The following LRCH4 variants were observed in gnomAD, a reference collection of about 807,000 sequenced individuals.
LRCH4 encodes leucine-rich repeat and calponin homology domain-containing protein 4.
A neutral mutation model predicts 81.2 loss-of-function variants in LRCH4; 56 were observed. That is an observed-to-expected ratio of 0.69 (90% CI 0.56 to 0.86). The LOEUF is 0.86. LRCH4 is among the 40% of genes least tolerant of loss of function. LRCH4 has a pLI of 0.00. For missense variants in LRCH4, 895 were observed against 922.8 expected (o/e 0.97, Z 0.39); for synonymous variants, 442 against 409.7 (o/e 1.08, Z -0.95).
In LRCH4 at chr7:100,585,869, G is replaced by C. The variant is rs1313399471; in HGVS notation, c.220+12C>G. 6 of 1,585,602 alleles carry C rather than the reference G, an allele frequency of 3.8e-6. No individual in the cohort carries two copies. The highest frequency in any genetic ancestry group is 5.2e-6 in the Non-Finnish European group (6 of 1,162,872). On this transcript the variant is annotated intron_variant, in intron 1 of 17. Coordinates refer to ENST00000310300, the MANE Select transcript of LRCH4 (RefSeq NM_002319.5). Reference sequence around the variant, plus strand: ...AGGGACCCGGTTGGGCCCGGGGCCCGGCTGCACTCACCAGCCTGGGTGATG... The same window carrying C: ...AGGGACCCGGTTGGGCCCGGGGCCCCGCTGCACTCACCAGCCTGGGTGATG...
chr7:100,586,129 T>C lies in LRCH4; in HGVS notation c.-29A>G, dbSNP rs764879482. 1 of 1,494,472 alleles carries C rather than the reference T, an allele frequency of 6.7e-7. No individual in the cohort carries two copies. Among genetic ancestry groups the C allele is most frequent in the Admixed American group, 2.2e-5 (1 of 45,100 alleles). The allele number at this position is 1,494,472 out of a possible 1,614,324, so 92.6% of individuals were successfully genotyped here. A position where few individuals can be genotyped will look rare whatever the true frequency, so the allele number is the denominator to read the frequency against. On this transcript the variant is annotated 5_prime_UTR_variant, in exon 1 of 18. Transcript: ENST00000310300. ...CTCCCGGCGGCTCCCGCTGCCTGAC[T>C]GACGGGACCGGCCGTCCCTCCTTCC... is the stretch of plus-strand genomic sequence containing the variant.
rs773574050 is a variant in LRCH4 at position 100,578,790 on chromosome 7, G to C, written c.599-4C>G. On this transcript the variant is annotated splice_polypyrimidine_tract_variant and splice_region_variant and intron_variant, in intron 4 of 17. Transcript: ENST00000310300. The surrounding 1 kb of genome is among the most constrained non-coding windows in gnomAD (Gnocchi z 5.7). ...ACCAGAGGGAGGTCCCCCAGCTCTG[G>C]AACAGGTGGGCAAGGGAAAAGTCAG... The C allele has an allele frequency of 1.2e-6, 2 of 1,612,622 alleles. No homozygotes were observed. Among genetic ancestry groups the C allele is most frequent in the East Asian group, 2.2e-5 (1 of 44,878 alleles).
Position 100,575,727 on chromosome 7 carries a change from C to T in LRCH4, c.1832G>A (p.Cys611Tyr). The change falls in exon 17 of 18, where the codon TGT becomes TAT. Residue 611 changes from cysteine (C) to tyrosine (Y), a missense_variant. Transcript: ENST00000310300. The surrounding 1 kb of genome is among the most constrained non-coding windows in gnomAD (Gnocchi z 5.3). ...TACCTCAGGCACCCCCATTTTTCGA[C>T]AGGCTTCTAGAAAACTCTCCACATT... ...RKNVESFLEA[C>Y]RKMGVPEADL... The T allele has an allele frequency of 6.2e-7, 1 of 1,613,968 alleles. No homozygotes were observed. The highest frequency in any genetic ancestry group is 8.5e-7 in the Non-Finnish European group (1 of 1,179,912).
At chr7:100,576,875 A>G (rs374163617) in intron 13 of LRCH4, 27 bp downstream of exon 13, 138 of 1,541,870 alleles carry the variant, frequency 9.0e-5, no homozygotes, top group Non-Finnish European at 1.2e-4. Flanking sequence ...CACAGGCCCC[A>G]TCCTCCTCCC....
In LRCH4 at chr7:100,582,068, G is replaced by A. The variant is rs1423449811; in HGVS notation, c.465C>T (p.Ile155=). The change falls in exon 3 of 18, where the codon ATC becomes ATT. Residue 155 remains isoleucine (I), a synonymous_variant. Coordinates refer to ENST00000310300, the MANE Select transcript of LRCH4 (RefSeq NM_002319.5). This position sits in a 1 kb window ranked among gnomAD's most constrained non-coding sequence, Gnocchi z 5.0. ...GCTGTCGCAGGCTTCCCAGGGTGCC[G>A]ATGTCAGGGGGCAGGGCTCCCAGCT... ...NNKLGALPPD[I]GTLGSLRQLD... is the part of the protein sequence containing the mutation. 10 of 1,610,954 alleles carry A rather than the reference G, an allele frequency of 6.2e-6. No individual in the cohort carries two copies. The highest frequency in any genetic ancestry group is 1.3e-5 in the African/African-American group (1 of 74,796).
chr7:100,577,961 GC>G lies in LRCH4; in HGVS notation c.949-50del. ...GGAGATGGCCTCTCTGTACATGGGG[GC>G]TCAGGACCTGGGGGGTCCTGTGTGG... On this transcript the variant is annotated intron_variant, in intron 7 of 17. Coordinates refer to ENST00000310300, the MANE Select transcript of LRCH4 (RefSeq NM_002319.5). The surrounding 1 kb of genome is among the most constrained non-coding windows in gnomAD (Gnocchi z 6.7). 5 of 1,511,482 alleles carry G rather than the reference GC, an allele frequency of 3.3e-6. No individual in the cohort carries two copies. The highest frequency in any genetic ancestry group is 4.6e-6 in the Non-Finnish European group (5 of 1,090,850). 93.6% of individuals were successfully genotyped at this position (1,511,482 alleles called of 1,614,324 possible).
In LRCH4 at chr7:100,585,834, T is replaced by C. The variant is rs1488254006; in HGVS notation, c.220+47A>G. 20 of 1,500,114 alleles carry C rather than the reference T, an allele frequency of 1.3e-5. No homozygotes were observed. The East Asian group carries it at 4.8e-4, about 36-fold the overall frequency. 92.9% of individuals were successfully genotyped at this position (1,500,114 alleles called of 1,614,324 possible). A position where few individuals can be genotyped will look rare whatever the true frequency, so the allele number is the denominator to read the frequency against. On this transcript the variant is annotated intron_variant, in intron 1 of 17. Transcript: ENST00000310300. ...GGCCGGGCGGGGCCCGGGGTGGGGCTATGCAAATGAGGGACCCGGTTGGGC... is the reference window on the plus strand; with the variant it reads ...GGCCGGGCGGGGCCCGGGGTGGGGCCATGCAAATGAGGGACCCGGTTGGGC...
Position 100,578,637 on chromosome 7 carries a change from G to A in LRCH4, c.735+13C>T. ...CACCCCTGTCCTCGTGGCCCCCCAG[G>A]CACCCGCCTCACCTGGGCAGGTGGA... is the stretch of plus-strand genomic sequence containing the variant. On this transcript the variant is annotated intron_variant, in intron 5 of 17. Transcript: ENST00000310300. The surrounding 1 kb of genome is among the most constrained non-coding windows in gnomAD (Gnocchi z 5.7). 1.9e-6 allele frequency: 3 copies of A among 1,611,752 alleles called. No individual in the cohort carries two copies. Among genetic ancestry groups the A allele is most frequent in the Non-Finnish European group, 1.7e-6 (2 of 1,178,494 alleles).
intron 3 of LRCH4, 25 bp from the exon 4 acceptor site, chr7:100,581,907 G>A (rs1801571407): frequency 6.2e-7 from 1 of 1,612,756 alleles, no homozygotes; most frequent in Non-Finnish European, 8.5e-7. Context: ...GCAGTGGGAA[G>A]GGGCCATGAG....
chr7:100,581,671 C>T (rs760505380), intron 4 of LRCH4, 106 bp downstream of exon 4: 29 of 881,226 alleles, frequency 3.3e-5, no homozygotes, highest in Non-Finnish European at 4.4e-5. Context: ...AAAATGAATG[C>T]CTGCCATGTA....
Position 100,576,025 on chromosome 7 carries a change from C to T in LRCH4, c.1639-17G>A, listed in dbSNP as rs1294927577. On this transcript the variant is annotated splice_polypyrimidine_tract_variant and intron_variant, in intron 15 of 17. Coordinates refer to ENST00000310300, the MANE Select transcript of LRCH4 (RefSeq NM_002319.5). ...CTCAAGGACCTGGCAGTGTAGACCA[C>T]ATAGAGCAGGGGTCAGGGAAGGAGA... 1 of 1,596,330 alleles carries T rather than the reference C, an allele frequency of 6.3e-7. No homozygotes were observed.
Position 100,576,318 on chromosome 7 carries a change from A to G in LRCH4, c.1558T>C (p.Ser520Pro). 1.9e-6 allele frequency: 3 copies of G among 1,613,696 alleles called. No individual in the cohort carries two copies. Among genetic ancestry groups the G allele is most frequent in the Non-Finnish European group, 2.5e-6 (3 of 1,179,716 alleles). ...GGTCTCAGGACAGAGTCTGGTGAGG[A>G]AGGGCCTAGGAGAAAAAGGGGGGCA... ...RSSSQSGSGP[S>P]SPDSVLRPRR... is the part of the protein sequence containing the mutation. The change falls in exon 15 of 18, where the codon TCC becomes CCC. Residue 520 changes from serine to proline, a missense_variant. Physicochemically the swap from Ser to Pro is moderately conservative, Grantham distance 74 (BLOSUM62 -1). Around this residue, in one of 3 missense-constraint regions of LRCH4, gnomAD observed 529 missense variants for 504.9 expected, o/e 1.05. Coordinates refer to ENST00000310300, the MANE Select transcript of LRCH4 (RefSeq NM_002319.5).
rs936424178 is a variant in LRCH4 at position 100,577,150 on chromosome 7, A to G, written c.1300T>C (p.Leu434=). Residue 434 remains leucine (L), a synonymous_variant, in exon 12 of 18, where the codon TTG becomes CTG. Coordinates refer to ENST00000310300, the MANE Select transcript of LRCH4 (RefSeq NM_002319.5). This position sits in a 1 kb window ranked among gnomAD's most constrained non-coding sequence, Gnocchi z 6.7. Reference sequence around the variant, plus strand: ...ACAACAGCCCTGAGCCCTGGCTTCAAGAGGCTGGAACAAGGAGAGGTGGGG... The same window carrying G: ...ACAACAGCCCTGAGCCCTGGCTTCAGGAGGCTGGAACAAGGAGAGGTGGGG... ...AWGAPRKDSL[L]KPGLRAVVGG... is the part of the protein sequence containing the mutation. The G allele has an allele frequency of 6.2e-7, 1 of 1,614,044 alleles. No individual in the cohort carries two copies.
At position 100,582,049 on chromosome 7, in the gene LRCH4, G is replaced by A. The variant is rs760520509; in HGVS notation, c.484C>T (p.Arg162Ter). 10 of 1,609,290 alleles carry A rather than the reference G, an allele frequency of 6.2e-6. No homozygotes were observed. The highest frequency in any genetic ancestry group is 2.2e-5 in the South Asian group (2 of 90,938). ...CCCGTCCCCATCCTCACAAGCTGTC[G>A]CAGGCTTCCCAGGGTGCCGATGTCA... ...PPDIGTLGSLRQLDVSSNELQ... is the reference protein window; with the variant it reads ...PPDIGTLGSL Residue 162 changes from arginine (R) to a stop codon, truncating the protein, a stop_gained, in exon 3 of 18, where the codon CGA becomes TGA. Coordinates refer to ENST00000310300, the MANE Select transcript of LRCH4 (RefSeq NM_002319.5). LOFTEE classifies it high-confidence loss of function. This position sits in a 1 kb window ranked among gnomAD's most constrained non-coding sequence, Gnocchi z 5.0.
At chr7:100,585,030 T>C in intron 1 of LRCH4, 1 of 344,542 alleles carries the variant, frequency 2.9e-6, no homozygotes, top group Non-Finnish European at 5.8e-6. Flanking sequence ...GACACCAGGG[T>C]GGAGGGTGCA....
chr7:100,584,453 G>A (rs931210187), intron 1 of LRCH4, among the ~76,000 whole-genome samples: 3 of 151,996 alleles, frequency 2.0e-5, no homozygotes, highest in African/African-American at 4.8e-5. Flanking sequence ...GGGAGGGGCC[G>A]GGGAGCTCCG....
Position 100,582,119 on chromosome 7 carries a change from C to T in LRCH4, c.414G>A (p.Leu138=). ...TGTTGTTGCTGACGATGAGGACCCT[C>T]AGGGGCAGCTGGCAGATGTAGGGTG... ...LLPPYICQLP[L]RVLIVSNNKL... is the part of the protein sequence containing the mutation. Residue 138 remains leucine, a synonymous_variant, in exon 3 of 18, where the codon CTG becomes CTA. Coordinates refer to ENST00000310300, the MANE Select transcript of LRCH4 (RefSeq NM_002319.5). This position sits in a 1 kb window ranked among gnomAD's most constrained non-coding sequence, Gnocchi z 5.0. 1.2e-6 allele frequency: 2 copies of T among 1,612,904 alleles called. No individual in the cohort carries two copies. Among genetic ancestry groups the T allele is most frequent in the Non-Finnish European group, 1.7e-6 (2 of 1,179,904 alleles).
At chr7:100,576,644 GTTGGTGCTGGCAAGCA>G in intron 14 of LRCH4, 34 bp downstream of exon 14, 1 of 1,472,558 alleles carries the variant, frequency 6.8e-7, no homozygotes, top group South Asian at 1.2e-5. Context: ...TGATGTAGCC[GTTGGTGCTGGCAAGCA>G]CTGGGTCAGC....
At position 100,575,303 on chromosome 7, in the gene LRCH4, G is replaced by A; in HGVS notation, c.1856C>T (p.Ala619Val). Residue 619 changes from alanine (A) to valine (V), a missense_variant and splice_region_variant, in exon 18 of 18, where the codon GCT (alanine) becomes GTT (valine). By Grantham distance (64) the Ala-to-Val change is moderately conservative. Transcript: ENST00000310300. The surrounding 1 kb of genome is among the most constrained non-coding windows in gnomAD (Gnocchi z 5.3). Reference protein sequence around the residue: ...EACRKMGVPEADLCSPSDLLQ... With the variant: ...EACRKMGVPEVDLCSPSDLLQ... ...GAGATCCGAGGGCGAGCACAGGTCA[G>A]CCTGGGGGAGAGGAGAGCAGGTGGA... is the stretch of plus-strand genomic sequence containing the variant. 1.3e-6 allele frequency: 2 copies of A among 1,541,858 alleles called. No homozygotes were observed. The highest frequency in any genetic ancestry group is 1.8e-6 in the Non-Finnish European group (2 of 1,139,628).
Sources: gnomAD v4.1 joint callset for allele counts (sites outside exome capture counted in the v4.1 genomes callset) on GRCh38, gnomAD v4.1.1 for gene constraint, gnomAD v4.1.1 regional missense constraint, Gnocchi (gnomAD v3.1) non-coding constraint, MANE v1.5 for transcripts, NCBI Gene and HGNC (gene_info 2026-07-23, HGNC 2026-07-21) for gene names.